STAP2: variants seen among roughly 807,000 people sequenced by gnomAD.
STAP2 encodes the protein signal-transducing adaptor protein 2.
Under a neutral mutation model 52.7 loss-of-function variants are expected in STAP2, and 58 were observed. That is an observed-to-expected ratio of 1.10 (90% CI 0.89 to 1.37). The LOEUF is 1.37. Among genes scored for constraint, STAP2 ranks in the 40% most tolerant of loss-of-function variants. The probability of loss-of-function intolerance (pLI) is 0.00; values close to 1 mark genes in which losing one functional copy is unlikely to be tolerated. For missense variants in STAP2, 522 were observed against 519.4 expected (o/e 1.00, Z -0.05); for synonymous variants, 231 against 210.5 (o/e 1.10, Z -0.84).
chr19:4,329,012 T>C, intron 5 of STAP2: 1 of 679,300 alleles, frequency 1.5e-6, no homozygotes, highest in South Asian at 2.2e-5. Flanking sequence ...TTTTTGTTTT[T>C]TTTTTGAGAC....
intron 4 of STAP2, 144 bp downstream of exon 4, chr19:4,331,878 G>A (rs550075708): frequency 8.4e-6 from 6 of 714,560 alleles, no homozygotes; most frequent in Non-Finnish European, 1.3e-5. Context: ...CTTGCAGTGA[G>A]CCGAGATCGC....
chr19:4,325,678 GTC>G, intron 9 of STAP2, 133 bp from the exon 10 acceptor site: 1 of 1,167,804 alleles, frequency 8.6e-7, no homozygotes, highest in South Asian at 1.5e-5. Flanking sequence ...CCATGTATAA[GTC>G]TGTGTCTGGG....
intron 6 of STAP2, 61 bp downstream of exon 6, chr19:4,328,614 C>T: frequency 6.5e-7 from 1 of 1,538,012 alleles, no homozygotes; most frequent in Non-Finnish European, 8.8e-7. Flanking sequence ...TGACCACGCC[C>T]CCGCGCCCAC....
In STAP2 at chr19:4,326,992, T is replaced by A; in HGVS notation, c.779A>T (p.Asp260Val). The change falls in exon 9 of 13, where the codon GAT becomes GTT. Residue 260 changes from aspartate to valine, a missense_variant. Asp to Val is a radical substitution (Grantham distance 152). Transcript: ENST00000594605. Reference sequence around the variant, plus strand: ...CCACACATTCTCGCCATTCTCCTTATCGGCTTCCACGTAGCCTGGAACAGA... The same window carrying A: ...CCACACATTCTCGCCATTCTCCTTAACGGCTTCCACGTAGCCTGGAACAGA... ...YEKVLGYVEA[D>V]KENGENVWVA... is the part of the protein sequence containing the mutation. The A allele has an allele frequency of 6.4e-7, 1 of 1,556,414 alleles. No homozygotes were observed. The highest frequency in any genetic ancestry group is 8.7e-7 in the Non-Finnish European group (1 of 1,149,098).
At chr19:4,328,588 A>G (rs1333815204) in intron 6 of STAP2, 87 bp downstream of exon 6, 43 of 1,505,524 alleles carry the variant, frequency 2.9e-5, no homozygotes, top group Non-Finnish European at 5.4e-6. Context: ...AGCGGGTCGG[A>G]CTCCGCCCCT....
chr19:4,329,782 C>T (rs1051835520), intron 5 of STAP2, among the ~76,000 whole-genome samples, 179 bp downstream of exon 5: 1 of 151,604 alleles, frequency 6.6e-6, no homozygotes, highest in Non-Finnish European at 1.5e-5. Context: ...GAGATCCTGC[C>T]CTGCCTCCCC....
Position 4,325,558 on chromosome 19 carries a change from C to A in STAP2, c.830-13G>T. On this transcript the variant is annotated splice_polypyrimidine_tract_variant and intron_variant, in intron 9 of 12. Transcript: ENST00000594605. Reference sequence around the variant, plus strand: ...CAGGGTGCAGGACCTGATGGGGAAACGTGGTCACTGTCAAGACCCATGTCA... The same window carrying A: ...CAGGGTGCAGGACCTGATGGGGAAAAGTGGTCACTGTCAAGACCCATGTCA... 1 of 1,563,516 alleles carries A rather than the reference C, an allele frequency of 6.4e-7. No homozygotes were observed.
chr19:4,324,321 G>A (rs888504481), intron 12 of STAP2, 124 bp from the exon 13 acceptor site: 13 of 1,297,576 alleles, frequency 1.0e-5, no homozygotes, highest in South Asian at 6.6e-5. Flanking sequence ...CAGTGTGCTC[G>A]AAGGCATTAA....
chr19:4,332,585 G>T (rs1346955478), intron 3 of STAP2, among the ~76,000 whole-genome samples: 2 of 151,800 alleles, frequency 1.3e-5, no homozygotes, highest in Admixed American at 1.3e-4. Flanking sequence ...ACTCACGCCT[G>T]TAATCCCAGC....
Position 4,325,400 on chromosome 19 carries a change from T to C in STAP2, c.975A>G (p.Gln325=). 6.2e-7 allele frequency: 1 copy of C among 1,614,196 alleles called. No homozygotes were observed. The highest frequency in any genetic ancestry group is 8.5e-7 in the Non-Finnish European group (1 of 1,180,024). The change falls in exon 10 of 13, where the codon CAA becomes CAG. Residue 325 remains glutamine (Q), a synonymous_variant. Transcript: ENST00000594605. ...GDGPAVDYEN[Q]DVASSSWPVI... is the part of the protein sequence containing the mutation. ...GCAGCTCTGTTCCCCACCCACCATC[T>C]TGGTTCTCATAGTCAACAGCTGGGC...
intron 4 of STAP2, among the ~76,000 whole-genome samples, chr19:4,331,078 C>CTA (rs951795997): frequency 1.3e-5 from 2 of 151,446 alleles, no homozygotes; most frequent in Admixed American, 6.6e-5. Flanking sequence ...ATCTATAATC[C>CTA]TATCACTTTG....
Position 4,328,704 on chromosome 19 carries a change from C to T in STAP2, c.561G>A (p.Val187=). Residue 187 remains valine, a synonymous_variant, in exon 6 of 13, where the codon GTG becomes GTA. Transcript: ENST00000594605. ...TGTGCATCTGCCGCGTGGTGACCGA[C>T]ACGCCGTCGGCGCCGTCCCCGCTGG... ...LRPSGDGADG[V]SVTTRQMHNG... is the part of the protein sequence containing the mutation. 5.0e-6 allele frequency: 8 copies of T among 1,605,794 alleles called. No individual in the cohort carries two copies. The highest frequency in any genetic ancestry group is 6.8e-6 in the Non-Finnish European group (8 of 1,177,078).
In STAP2 at chr19:4,325,252, C is replaced by A. The variant is rs1469188422; in HGVS notation, c.1036G>T (p.Ala346Ser). ...LKPKKLPKPPAKLPKPPVGPK... is the reference protein window; with the variant it reads ...LKPKKLPKPPSKLPKPPVGPK... Reference sequence around the variant, plus strand: ...CCAACGGGTGGCTTTGGAAGCTTGGCAGGAGGCTTTGGCAACTTCTTTGGC... The same window carrying A: ...CCAACGGGTGGCTTTGGAAGCTTGGAAGGAGGCTTTGGCAACTTCTTTGGC... Residue 346 changes from alanine (A) to serine (S), a missense_variant, in exon 11 of 13, where the codon GCC becomes TCC. Ala to Ser is a moderately conservative substitution (Grantham distance 99). Coordinates refer to ENST00000594605, the MANE Select transcript of STAP2 (RefSeq NM_001013841.2). 4 of 1,607,584 alleles carry A rather than the reference C, an allele frequency of 2.5e-6. No homozygotes were observed. The African/African-American group carries it at 4.0e-5, about 16-fold the overall frequency.
Position 4,325,265 on chromosome 19 carries a change from C to T in STAP2, c.1023G>A (p.Leu341=). Residue 341 remains leucine, a synonymous_variant, in exon 11 of 13, where the codon TTG becomes TTA. Coordinates refer to ENST00000594605, the MANE Select transcript of STAP2 (RefSeq NM_001013841.2). The part of the protein sequence containing the change: ...SWPVILKPKK[L]PKPPAKLPKP... ...TTGGAAGCTTGGCAGGAGGCTTTGGCAACTTCTTTGGCTTCAGGATGACTG... is the reference window on the plus strand; with the variant it reads ...TTGGAAGCTTGGCAGGAGGCTTTGGTAACTTCTTTGGCTTCAGGATGACTG... 6.2e-7 allele frequency: 1 copy of T among 1,612,208 alleles called. No individual in the cohort carries two copies. The highest frequency in any genetic ancestry group is 8.5e-7 in the Non-Finnish European group (1 of 1,179,170).
intron 3 of STAP2, among the ~76,000 whole-genome samples, chr19:4,332,510 T>C (rs1012050248): frequency 1.3e-5 from 2 of 152,182 alleles, no homozygotes; most frequent in African/African-American, 4.8e-5. Context: ...CTGGCTGATA[T>C]TATGATTTTT....
chr19:4,329,977 C>G lies in STAP2; in HGVS notation c.439G>C (p.Ala147Pro), dbSNP rs1971861799. 3 of 1,613,464 alleles carry G rather than the reference C, an allele frequency of 1.9e-6. No individual in the cohort carries two copies. In the African/African-American group the frequency reaches 4.0e-5, roughly 22 times the overall value. Residue 147 changes from alanine (A) to proline (P), a missense_variant, in exon 5 of 13, where the codon GCA (alanine) becomes CCA (proline). By Grantham distance (27) the Ala-to-Pro change is conservative. Coordinates refer to ENST00000594605, the MANE Select transcript of STAP2 (RefSeq NM_001013841.2). ...GACACTCACGAGGGTGTCTCCAGTG[C>G]ACGGCGCGCCTCCTCTTTGGCCAAG... ...EVLAKEEARRALETPSCFLKV... is the reference protein window; with the variant it reads ...EVLAKEEARRPLETPSCFLKV...
chr19:4,335,061 CATCT>C (rs942977274), intron 1 of STAP2, among the ~76,000 whole-genome samples: 8 of 122,600 alleles, frequency 6.5e-5, no homozygotes, highest in African/African-American at 2.1e-4. Flanking sequence ...ATCCACCCAC[CATCT>C]ATCATCCATC....
intron 1 of STAP2, among the ~76,000 whole-genome samples, chr19:4,334,997 C>T (rs1329131160): frequency 2.4e-5 from 3 of 125,632 alleles, no homozygotes; most frequent in South Asian, 2.9e-4. Context: ...CATCCATCCA[C>T]CCACTCATCA....
At position 4,338,715 on chromosome 19, in the gene STAP2, A is replaced by G; in HGVS notation, c.39T>C (p.Pro13=). 1.2e-6 allele frequency: 2 copies of G among 1,613,622 alleles called. No homozygotes were observed. The highest frequency in any genetic ancestry group is 1.1e-5 in the South Asian group (1 of 90,964). The change falls in exon 1 of 13, where the codon CCT becomes CCC. Residue 13 remains proline (P), a synonymous_variant. Coordinates refer to ENST00000594605, the MANE Select transcript of STAP2 (RefSeq NM_001013841.2). ...SALRPPRVPK[P]KGVLPSHYYE... ...AGTAGTGTGAAGGCAGGACACCCTT[A>G]GGCTTGGGGACACGGGGTGGCCTCA...
Sources: allele counts gnomAD v4.1 joint callset (sites outside exome capture counted in the v4.1 genomes callset), GRCh38; gene constraint gnomAD v4.1.1; transcripts MANE v1.5; gene names NCBI Gene and HGNC (gene_info 2026-07-23, HGNC 2026-07-21).